MTHFD2L: variants seen among roughly 807,000 people sequenced by gnomAD.
MTHFD2L encodes the protein methylenetetrahydrofolate dehydrogenase (NADP+ dependent) 2 like.
In MTHFD2L, 29 loss-of-function variants were observed where a neutral mutation model predicts 34.9. The ratio of observed to expected loss-of-function variants is 0.83; its 90% CI spans 0.62 to 1.13. The LOEUF is 1.13. Among genes scored for constraint, MTHFD2L ranks in the 50% most tolerant of loss-of-function variants. The pLI, the probability that MTHFD2L is intolerant of heterozygous loss-of-function variation, is 0.00. For missense variants in MTHFD2L, 481 were observed against 446.5 expected (o/e 1.08, Z -0.70); for synonymous variants, 167 against 155.7 (o/e 1.07, Z -0.54).
intron 1 of MTHFD2L, among the ~76,000 whole-genome samples, chr4:74,142,061 A>T (rs1723302041): frequency 6.6e-6 from 1 of 152,196 alleles, no homozygotes. Flanking sequence ...TCTCTGCATA[A>T]AGAACCAACG....
At chr4:74,277,173 A>G (rs1746772751) in intron 6 of MTHFD2L, among the ~76,000 whole-genome samples, 1 of 149,232 alleles carries the variant, frequency 6.7e-6, no homozygotes, top group Non-Finnish European at 1.5e-5. Flanking sequence ...TTTTTTTCAC[A>G]GATATGCAGC....
chr4:74,190,588 AGT>A, intron 3 of MTHFD2L: 1 of 874,144 alleles, frequency 1.1e-6, no homozygotes, highest in Non-Finnish European at 1.4e-6. Context: ...GCGAGGTTAG[AGT>A]GTGTTCCCAT....
chr4:74,275,116 GCCCCAATGT>G (rs1470792403), intron 6 of MTHFD2L, among the ~76,000 whole-genome samples: 1 of 151,944 alleles, frequency 6.6e-6, no homozygotes, highest in Non-Finnish European at 1.5e-5. Context: ...CCCCCAACAG[GCCCCAATGT>G]CTGTTGTTGC....
At chr4:74,270,355 G>C (rs556996209) in intron 6 of MTHFD2L, among the ~76,000 whole-genome samples, 1 of 151,492 alleles carries the variant, frequency 6.6e-6, no homozygotes, top group East Asian at 1.9e-4. Context: ...GGTGTGCGAT[G>C]TTCCCCTTCC....
intron 5 of MTHFD2L, among the ~76,000 whole-genome samples, chr4:74,209,911 C>T (rs1210938458): frequency 6.6e-6 from 1 of 152,206 alleles, no homozygotes; most frequent in Non-Finnish European, 1.5e-5. Flanking sequence ...ATTGGTATCT[C>T]ATTGTGGTTT....
chr4:74,150,416 G>T (rs2109856054), intron 1 of MTHFD2L, among the ~76,000 whole-genome samples: 1 of 152,250 alleles, frequency 6.6e-6, no homozygotes, highest in East Asian at 1.9e-4. Flanking sequence ...ACCATGCCCA[G>T]CTAATTTTGT....
intron 1 of MTHFD2L, among the ~76,000 whole-genome samples, chr4:74,133,308 T>C (rs1342473010): frequency 6.6e-6 from 1 of 152,012 alleles, no homozygotes; most frequent in Non-Finnish European, 1.5e-5. Flanking sequence ...GGGTTGAATC[T>C]GTTTGGTGTT....
At chr4:74,122,930 CA>C (rs1034326162), upstream of MTHFD2L, among the ~76,000 whole-genome samples, 10 of 152,066 alleles carry the variant, frequency 6.6e-5, no homozygotes, top group African/African-American at 2.4e-4. Flanking sequence ...ATAATCTGGG[CA>C]AAAAAATTCT....
chr4:74,169,095 T>C (rs907428256), intron 1 of MTHFD2L, among the ~76,000 whole-genome samples: 50 of 152,296 alleles, frequency 3.3e-4, no homozygotes, highest in Admixed American at 3.0e-3. Flanking sequence ...CAGTTGCTAC[T>C]GAAAATGCTC....
chr4:74,159,828 T>C (rs371100734), intron 1 of MTHFD2L, among the ~76,000 whole-genome samples: 96 of 152,364 alleles, frequency 6.3e-4, no homozygotes, highest in African/African-American at 2.3e-3. Flanking sequence ...TTGATGCAGA[T>C]TATAGTTATA....
chr4:74,143,867 A>G (rs1178251714), intron 1 of MTHFD2L, among the ~76,000 whole-genome samples: 1 of 152,214 alleles, frequency 6.6e-6, no homozygotes, highest in African/African-American at 2.4e-5. Flanking sequence ...AAACATTTAT[A>G]TGAATATATT....
At chr4:74,128,095 TA>T (rs1722207531) in intron 1 of MTHFD2L, among the ~76,000 whole-genome samples, 1 of 152,114 alleles carries the variant, frequency 6.6e-6, no homozygotes, top group Non-Finnish European at 1.5e-5. Context: ...AAAATCAGAT[TA>T]TTTTGTTTTG....
intron 3 of MTHFD2L, among the ~76,000 whole-genome samples, chr4:74,197,934 T>C (rs1412707139): frequency 6.6e-6 from 1 of 152,192 alleles, no homozygotes; most frequent in African/African-American, 2.4e-5. Flanking sequence ...CAGAGTTACA[T>C]AAAAATGATA....
At chr4:74,124,633 A>T (rs1412959713), upstream of MTHFD2L, among the ~76,000 whole-genome samples, 2 of 152,034 alleles carry the variant, frequency 1.3e-5, no homozygotes, top group African/African-American at 4.8e-5. Context: ...CATGGTCCTA[A>T]AAATCATCAT....
At chr4:74,177,178 C>T (rs147091395) in intron 3 of MTHFD2L, among the ~76,000 whole-genome samples, 22 of 151,914 alleles carry the variant, frequency 1.4e-4, no homozygotes, top group Non-Finnish European at 2.4e-4. Context: ...AAAAATTCAA[C>T]ACGTGCAGCA....
chr4:74,289,003 A>T (rs1183724914), intron 7 of MTHFD2L, among the ~76,000 whole-genome samples: 1 of 152,096 alleles, frequency 6.6e-6, no homozygotes, highest in East Asian at 1.9e-4. Context: ...GATTCTTCAA[A>T]TTAGGTTCAT....
upstream of MTHFD2L, chr4:74,157,730 C>T (rs1224347681): frequency 2.1e-6 from 1 of 465,346 alleles, no homozygotes; most frequent in South Asian, 1.5e-5. Context: ...AATCCAATTC[C>T]ACGTAGTCAC....
chr4:74,255,571 G>A lies in MTHFD2L; in HGVS notation c.806-25854G>A, dbSNP rs1049050156. On this transcript the variant is annotated intron_variant, in intron 6 of 7. Transcript: ENST00000325278. Reference sequence around the variant, plus strand: ...TATATTGTATGCTGCTGAGGTTTGGGGTATGAAATGATTCCATTGGTCAGC... The same window carrying A: ...TATATTGTATGCTGCTGAGGTTTGGAGTATGAAATGATTCCATTGGTCAGC... Among the ~76,000 whole-genome samples, 6 of 152,122 alleles carry A rather than the reference G, an allele frequency of 3.9e-5. No homozygotes were observed. In the East Asian group the frequency reaches 1.2e-3, roughly 29 times the overall value.
intron 6 of MTHFD2L, among the ~76,000 whole-genome samples, chr4:74,252,487 A>G (rs1030360598): frequency 1.3e-5 from 2 of 152,250 alleles, no homozygotes; most frequent in African/African-American, 4.8e-5. Flanking sequence ...TTATGGCATT[A>G]TGAAGATAAA....
Sources: gnomAD v4.1 joint callset for allele counts (sites outside exome capture counted in the v4.1 genomes callset) on GRCh38, gnomAD v4.1.1 for gene constraint, MANE v1.5 for transcripts, NCBI Gene and HGNC (gene_info 2026-07-23, HGNC 2026-07-21) for gene names.